The following PRDM16 variants were observed in gnomAD, a reference collection of about 807,000 sequenced individuals.
The protein encoded by PRDM16 is histone-lysine N-methyltransferase PRDM16.
PRDM16 carries 23 observed loss-of-function variants against 110.6 expected under a neutral mutation model. The observed-to-expected ratio is 0.21, with a 90% CI of 0.15 to 0.29. PRDM16 has a LOEUF of 0.29. Ranked by LOEUF, PRDM16 falls within the 10% of genes least tolerant of loss-of-function variation. The probability of loss-of-function intolerance (pLI) is 1.00; values close to 1 mark genes in which losing one functional copy is unlikely to be tolerated. For synonymous variants in PRDM16, 799 were observed against 781.8 expected, an observed-to-expected ratio of 1.02 and a Z score of -0.37; for missense variants, 1,615 against 1,794.3, an observed-to-expected ratio of 0.90 and a Z score of 1.81.
intron 3 of PRDM16, among the ~76,000 whole-genome samples, chr1:3,251,837 T>G (rs1639940448): frequency 6.6e-6 from 1 of 152,212 alleles, no homozygotes; most frequent in Non-Finnish European, 1.5e-5. Flanking sequence ...ATTGTGCTGC[T>G]CTATTAGGAG....
Position 3,180,796 on chromosome 1 carries a change from G to A in PRDM16, c.38-5329G>A, listed in dbSNP as rs143692736. On this transcript the variant is annotated intron_variant, in intron 1 of 16. Transcript: ENST00000270722. Reference sequence around the variant, plus strand: ...GGCCGCATAGAGGCTGGGGTCAGCTGAGGTTGCCCTGGACACCTTTTCAGG... The same window carrying A: ...GGCCGCATAGAGGCTGGGGTCAGCTAAGGTTGCCCTGGACACCTTTTCAGG... Among the ~76,000 whole-genome samples the A allele has an allele frequency of 2.6e-3, 372 of 142,210 alleles. 1 individual carries two copies. The highest frequency in any genetic ancestry group is 3.7e-3 in the Non-Finnish European group (242 of 65,782). The allele number at this position is 142,210 out of a possible 152,430, so 93.3% of individuals were successfully genotyped here.
At chr1:3,277,745 ACG>A (rs1640619685) in intron 3 of PRDM16, among the ~76,000 whole-genome samples, 2 of 147,802 alleles carry the variant, frequency 1.4e-5, no homozygotes, top group Admixed American at 6.8e-5. Context: ...ACACACGCAC[ACG>A]CACACACATG....
chr1:3,301,862 T>C (rs1232847334), intron 3 of PRDM16, among the ~76,000 whole-genome samples: 1 of 152,166 alleles, frequency 6.6e-6, no homozygotes, highest in Non-Finnish European at 1.5e-5. Flanking sequence ...TTGGATTCTG[T>C]GGAAGTATCT....
Position 3,296,421 on chromosome 1 carries a change from G to A in PRDM16, c.438+52284G>A, listed in dbSNP as rs760738706. 3.9e-5 allele frequency among the ~76,000 whole-genome samples: 6 copies of A among 152,242 alleles called. 1 individual carries two copies. Among genetic ancestry groups the A allele is most frequent in the Admixed American group, 2.6e-4 (4 of 15,286 alleles). On this transcript the variant is annotated intron_variant, in intron 3 of 16. Transcript: ENST00000270722. ...CTCCACTCTGTGCGGAACTGGGGCC[G>A]GGGGCAGAGGTAGGAATGGGCACAG... is the stretch of plus-strand genomic sequence containing the variant.
At chr1:3,408,770 A>G (rs12063613) in intron 8 of PRDM16, among the ~76,000 whole-genome samples, 32,647 of 100,814 alleles carry the variant, frequency 0.32, 3,814 homozygotes, top group Middle Eastern at 0.43. Context: ...GTGAGAGTGC[A>G]TGAGTGTGGG....
chr1:3,326,446 T>C (rs543814938), intron 3 of PRDM16, among the ~76,000 whole-genome samples: 1 of 152,354 alleles, frequency 6.6e-6, no homozygotes, highest in South Asian at 2.1e-4. Context: ...TTCAGCTTGC[T>C]GCAGGGGCCA....
chr1:3,352,221 T>C (rs1485260325), intron 3 of PRDM16, among the ~76,000 whole-genome samples: 1 of 152,194 alleles, frequency 6.6e-6, no homozygotes, highest in Non-Finnish European at 1.5e-5. Context: ...CTCTCTGCCA[T>C]GGGCTGGTGC....
intron 2 of PRDM16, among the ~76,000 whole-genome samples, chr1:3,221,149 C>T (rs1639142215): frequency 6.6e-6 from 1 of 152,212 alleles, no homozygotes; most frequent in African/African-American, 2.4e-5. Flanking sequence ...TGCAACCTCA[C>T]CGTGTGCAAC....
intron 1 of PRDM16, among the ~76,000 whole-genome samples, chr1:3,094,871 G>A (rs1244150650): frequency 6.7e-6 from 1 of 148,404 alleles, no homozygotes; most frequent in African/African-American, 2.4e-5. Flanking sequence ...GGGTCTGCAT[G>A]AGTGCCAGGT....
At chr1:3,159,771 AGTAGGG>A (rs1031258556) in intron 1 of PRDM16, among the ~76,000 whole-genome samples, 1 of 152,196 alleles carries the variant, frequency 6.6e-6, no homozygotes, top group African/African-American at 2.4e-5. Flanking sequence ...CTAAGAGGTT[AGTAGGG>A]GTACCTGGTA....
rs1330839166 is a variant in PRDM16 at position 3,148,126 on chromosome 1, T to C, written c.38-37999T>C. ...TCAGTTGCAGGTGGTGGGGTGTGGT[T>C]GGGCATCAGGACGGTTTTGTGGGAG... On this transcript the variant is annotated intron_variant, in intron 1 of 16. Coordinates refer to ENST00000270722, the MANE Select transcript of PRDM16 (RefSeq NM_022114.4). The surrounding 1 kb of genome is among the most constrained non-coding windows in gnomAD (Gnocchi z 5.0). 6.6e-6 allele frequency among the ~76,000 whole-genome samples: 1 copy of C among 152,006 alleles called. No individual in the cohort carries two copies. Among genetic ancestry groups the C allele is most frequent in the Non-Finnish European group, 1.5e-5 (1 of 67,982 alleles).
chr1:3,224,654 C>T (rs922191650), intron 2 of PRDM16, among the ~76,000 whole-genome samples: 3 of 152,232 alleles, frequency 2.0e-5, no homozygotes, highest in Non-Finnish European at 4.4e-5. Flanking sequence ...CCCCTCTGGC[C>T]ACCTGCATTA....
intron 4 of PRDM16, among the ~76,000 whole-genome samples, chr1:3,393,408 C>A (rs967738058): frequency 6.6e-6 from 1 of 152,192 alleles, no homozygotes; most frequent in African/African-American, 2.4e-5. Flanking sequence ...TGACTTAGCG[C>A]GGTCTGAGCA....
intron 3 of PRDM16, among the ~76,000 whole-genome samples, chr1:3,287,162 G>A (rs1017666798): frequency 4.9e-4 from 74 of 152,224 alleles, no homozygotes; most frequent in African/African-American, 1.3e-3. Flanking sequence ...GGACCTGGAC[G>A]CTTGATGTTG....
Position 3,411,498 on chromosome 1 carries a change from C to A in PRDM16, c.1301C>A (p.Thr434Asn), listed in dbSNP as rs1160095672. Residue 434 changes from threonine (T) to asparagine (N), a missense_variant, in exon 9 of 17, where the codon ACT (threonine) becomes AAT (asparagine). By Grantham distance (65) the Thr-to-Asn change is moderately conservative. Transcript: ENST00000270722. The part of the protein sequence containing the change: ...KCKDCGQMFS[T>N]TSSLNKHRRF... ...AAGGACTGTGGCCAGATGTTCAGCA[C>A]TACCTCCTCCCTCAACAAGCACCGG... 6.2e-7 allele frequency: 1 copy of A among 1,614,110 alleles called. No homozygotes were observed. Among genetic ancestry groups the A allele is most frequent in the African/African-American group, 1.3e-5 (1 of 74,950 alleles).
At chr1:3,138,995 A>G (rs1172867870) in intron 1 of PRDM16, among the ~76,000 whole-genome samples, 1 of 151,936 alleles carries the variant, frequency 6.6e-6, no homozygotes, top group African/African-American at 2.4e-5. Context: ...TGGGCGTTCA[A>G]CTTTGACCTT....
intron 2 of PRDM16, among the ~76,000 whole-genome samples, chr1:3,224,040 A>G (rs1390894939): frequency 6.6e-6 from 1 of 152,144 alleles, no homozygotes; most frequent in Admixed American, 6.6e-5. Flanking sequence ...CAGGGAAGCT[A>G]TTGTGTCAGG....
chr1:3,187,941 C>T (rs762430999), intron 2 of PRDM16, among the ~76,000 whole-genome samples: 2 of 152,146 alleles, frequency 1.3e-5, no homozygotes, highest in African/African-American at 2.4e-5. Context: ...ACGGGCGTAC[C>T]CCCCCAACGA....
chr1:3,126,121 G>A (rs192088623), intron 1 of PRDM16, among the ~76,000 whole-genome samples: 3 of 152,186 alleles, frequency 2.0e-5, no homozygotes, highest in Admixed American at 6.5e-5. Context: ...ATTCCAAACC[G>A]AACTGTCTCA....
Sources: gnomAD v4.1 joint callset for allele counts (sites outside exome capture counted in the v4.1 genomes callset) on GRCh38, gnomAD v4.1.1 for gene constraint, Gnocchi (gnomAD v3.1) non-coding constraint, MANE v1.5 for transcripts, NCBI Gene and HGNC (gene_info 2026-07-23, HGNC 2026-07-21) for gene names.